TENM4: variants seen among roughly 807,000 people sequenced by gnomAD.
TENM4 encodes teneurin-4.
TENM4 carries 82 observed loss-of-function variants against 243.3 expected under a neutral mutation model. The ratio of observed to expected loss-of-function variants is 0.34; its 90% confidence interval spans 0.28 to 0.40. The LOEUF (loss-of-function observed/expected upper bound fraction) is 0.40. TENM4 is among the 10% of genes least tolerant of loss of function. TENM4 has a pLI of 1.00. For missense variants in TENM4, 3,138 were observed against 3,673.3 expected (o/e 0.85, Z 3.77); for synonymous variants, 1,412 against 1,456.3 (o/e 0.97, Z 0.69).
intron 33 of TENM4, among the ~76,000 whole-genome samples, chr11:78,660,071 G>A (rs181482971): frequency 2.6e-5 from 4 of 152,330 alleles, no homozygotes; most frequent in East Asian, 3.9e-4. Context: ...GTCAGAGACC[G>A]GGGCTCTCTG....
chr11:78,950,069 C>T (rs1341824261), intron 6 of TENM4, among the ~76,000 whole-genome samples: 1 of 152,002 alleles, frequency 6.6e-6, no homozygotes, highest in African/African-American at 2.4e-5. Flanking sequence ...CTAAGGGACT[C>T]AGGGCCATTC....
chr11:79,027,692 G>A (rs1859116426), intron 6 of TENM4, among the ~76,000 whole-genome samples: 1 of 152,066 alleles, frequency 6.6e-6, no homozygotes, highest in Non-Finnish European at 1.5e-5. Flanking sequence ...TTTCTTCTCT[G>A]GCCTTCTGTG....
At chr11:78,883,696 C>T (rs1289309888) in intron 9 of TENM4, among the ~76,000 whole-genome samples, 1 of 152,268 alleles carries the variant, frequency 6.6e-6, no homozygotes, top group Non-Finnish European at 1.5e-5. Flanking sequence ...CTGCGTTTTA[C>T]ATACACATTC....
At chr11:79,046,049 C>T (rs1373896393) in intron 6 of TENM4, among the ~76,000 whole-genome samples, 1 of 152,214 alleles carries the variant, frequency 6.6e-6, no homozygotes, top group Admixed American at 6.5e-5. Context: ...CACGTGCATT[C>T]CCACACAGCC....
intron 11 of TENM4, among the ~76,000 whole-genome samples, chr11:78,855,439 G>A (rs1166845307): frequency 6.6e-6 from 1 of 152,170 alleles, no homozygotes; most frequent in Non-Finnish European, 1.5e-5. Flanking sequence ...GTGTAACCCT[G>A]AAGGAGAGAA....
At chr11:79,307,461 C>A (rs1376475515) in intron 1 of TENM4, among the ~76,000 whole-genome samples, 1 of 152,158 alleles carries the variant, frequency 6.6e-6, no homozygotes, top group African/African-American at 2.4e-5. Flanking sequence ...CCTGCTGGTT[C>A]TAACTCCTCA....
chr11:79,337,592 G>A (rs914212255), intron 1 of TENM4, among the ~76,000 whole-genome samples: 1 of 152,174 alleles, frequency 6.6e-6, no homozygotes, highest in Admixed American at 6.5e-5. Flanking sequence ...TAGGCAGGAC[G>A]GACCTTCGCA....
At chr11:79,258,693 C>A (rs940984061) in intron 2 of TENM4, among the ~76,000 whole-genome samples, 6 of 152,218 alleles carry the variant, frequency 3.9e-5, no homozygotes, top group African/African-American at 7.2e-5. Context: ...ATCACATAAT[C>A]CTTGTCTGCT....
At chr11:79,152,803 G>A (rs1411832392) in intron 3 of TENM4, among the ~76,000 whole-genome samples, 1 of 152,158 alleles carries the variant, frequency 6.6e-6, no homozygotes, top group African/African-American at 2.4e-5. Context: ...CTCCCAAAAT[G>A]GTCAATGTTC....
chr11:78,690,238 T>G (rs966444707), intron 28 of TENM4, among the ~76,000 whole-genome samples: 8 of 152,170 alleles, frequency 5.3e-5, no homozygotes, highest in African/African-American at 1.9e-4. Flanking sequence ...GGAGGGTGTC[T>G]TGGAGTAAAG....
At chr11:79,367,670 G>C (rs1299944271) in intron 1 of TENM4, among the ~76,000 whole-genome samples, 1 of 152,158 alleles carries the variant, frequency 6.6e-6, no homozygotes, top group Non-Finnish European at 1.5e-5. Flanking sequence ...AATCCAATGT[G>C]TCAACAACCT....
chr11:78,901,683 TC>T (rs1393446565), intron 7 of TENM4, among the ~76,000 whole-genome samples: 1 of 152,108 alleles, frequency 6.6e-6, no homozygotes, highest in East Asian at 1.9e-4. Context: ...GTTCGGTCTT[TC>T]AATGAGCACA....
intron 4 of TENM4, among the ~76,000 whole-genome samples, chr11:79,127,719 T>C (rs1001283052): frequency 2.0e-5 from 3 of 152,166 alleles, no homozygotes; most frequent in South Asian, 4.1e-4. Flanking sequence ...GCTGATCGGA[T>C]CCAGTGGGCA....
At chr11:79,361,215 TCATCCCCCGA>T (rs1857582913) in intron 1 of TENM4, among the ~76,000 whole-genome samples, 1 of 152,200 alleles carries the variant, frequency 6.6e-6, no homozygotes, top group East Asian at 1.9e-4. Flanking sequence ...AACTCAGGGA[TCATCCCCCGA>T]TCTCTGGTGT....
chr11:79,060,193 T>C (rs12577651), intron 6 of TENM4, among the ~76,000 whole-genome samples: 10,150 of 152,264 alleles, frequency 0.067, 395 homozygotes, highest in East Asian at 0.094. Flanking sequence ...TCTCACTGCC[T>C]CCCGACCCCC....
At chr11:79,162,489 A>AT (rs899376913) in intron 3 of TENM4, among the ~76,000 whole-genome samples, 84 of 143,664 alleles carry the variant, frequency 5.8e-4, no homozygotes, top group Middle Eastern at 3.7e-3. Context: ...TTATTTATTT[A>AT]TTATTATTGT....
intron 1 of TENM4, among the ~76,000 whole-genome samples, chr11:79,340,667 G>T (rs1348566370): frequency 1.3e-5 from 2 of 151,958 alleles, no homozygotes; most frequent in Non-Finnish European, 2.9e-5. Flanking sequence ...TCTATCCATG[G>T]CAGGCTTTCC....
intron 6 of TENM4, among the ~76,000 whole-genome samples, chr11:78,937,043 A>G (rs886222887): frequency 6.6e-6 from 1 of 152,192 alleles, no homozygotes; most frequent in African/African-American, 2.4e-5. Flanking sequence ...ATTTATCATT[A>G]TTGCAATTAA....
chr11:78,737,086 T>A (rs886645935), intron 20 of TENM4, among the ~76,000 whole-genome samples: 28 of 152,124 alleles, frequency 1.8e-4, no homozygotes, highest in African/African-American at 6.8e-4. Flanking sequence ...CTCACAGGAG[T>A]GACTGGCAAG....
Sources: allele counts gnomAD v4.1 joint callset (sites outside exome capture counted in the v4.1 genomes callset), GRCh38; gene constraint gnomAD v4.1.1; transcripts MANE v1.5; gene names NCBI Gene and HGNC (gene_info 2026-07-23, HGNC 2026-07-21).